Variants in FLVCR1 observed in about 807,000 individuals in gnomAD.
The protein encoded by FLVCR1 is choline/ethanolamine transporter FLVCR1.
Under a neutral mutation model 53.6 loss-of-function variants are expected in FLVCR1, and 34 were observed. The ratio of observed to expected loss-of-function variants is 0.63; its 90% CI spans 0.48 to 0.84. The LOEUF (loss-of-function observed/expected upper bound fraction) is 0.84. Among genes scored for constraint, FLVCR1 ranks in the 40% least tolerant of loss-of-function variants. The probability of loss-of-function intolerance (pLI) is 0.00; values close to 1 mark genes in which losing one functional copy is unlikely to be tolerated. For synonymous variants in FLVCR1, 300 were observed against 286.3 expected, an observed-to-expected ratio of 1.05 and a Z score of -0.48; for missense variants, 677 against 696.7, an observed-to-expected ratio of 0.97 and a Z score of 0.32.
intron 8 of FLVCR1, among the ~76,000 whole-genome samples, chr1:212,891,703 G>A (rs1390501): frequency 0.62 from 93,982 of 152,018 alleles, 30,909 homozygotes; most frequent in East Asian, 0.91. Context: ...GTGGCCTCCA[G>A]GTGTTTAAGC....
At chr1:212,868,971 C>G (rs1172234862) in intron 2 of FLVCR1, among the ~76,000 whole-genome samples, 1 of 152,140 alleles carries the variant, frequency 6.6e-6, no homozygotes, top group Non-Finnish European at 1.5e-5. Flanking sequence ...ATACAGTGAG[C>G]TGAGGCAGAG....
intron 3 of FLVCR1, among the ~76,000 whole-genome samples, chr1:212,881,589 C>T (rs1189932774): frequency 1.2e-4 from 18 of 152,046 alleles, no homozygotes; most frequent in Admixed American, 1.0e-3. Flanking sequence ...TGTCGAACTC[C>T]TGACCTCGTG....
chr1:212,893,065 T>TTGGC (rs376805847), intron 8 of FLVCR1, among the ~76,000 whole-genome samples: 1 of 142,308 alleles, frequency 7.0e-6, no homozygotes, highest in Admixed American at 7.5e-5. Flanking sequence ...TCTTTTTTTT[T>TTGGC]GGGGGGGGGT....
At chr1:212,874,946 C>A (rs942860783) in intron 3 of FLVCR1, among the ~76,000 whole-genome samples, 1 of 150,850 alleles carries the variant, frequency 6.6e-6, no homozygotes, top group East Asian at 2.0e-4. Flanking sequence ...CACACAGACA[C>A]ATCTCCACAT....
At chr1:212,894,374 C>T (rs1315751983) in intron 8 of FLVCR1, among the ~76,000 whole-genome samples, 5 of 151,358 alleles carry the variant, frequency 3.3e-5, no homozygotes, top group Admixed American at 6.6e-5. Flanking sequence ...GGGATGGTCT[C>T]GATCTTCTGA....
At position 212,863,850 on chromosome 1, in the gene FLVCR1, A is replaced by T; in HGVS notation, c.864A>T (p.Leu288Phe). 1 of 1,613,564 alleles carries T rather than the reference A, an allele frequency of 6.2e-7. No homozygotes were observed. Among genetic ancestry groups the T allele is most frequent in the Non-Finnish European group, 8.5e-7 (1 of 1,179,550 alleles). Residue 288 changes from leucine to phenylalanine, a missense_variant, in exon 2 of 10, where the codon TTA becomes TTT. Coordinates refer to ENST00000366971, the MANE Select transcript of FLVCR1 (RefSeq NM_014053.4). ...FYGTSAVATL[L>F]FILTAIAFKE... is the part of the protein sequence containing the mutation. ...GAACATCAGCTGTTGCCACACTTTT[A>T]TTTATTTTAACAGCAATTGGTAAGT...
chr1:212,895,957 G>A lies in FLVCR1; in HGVS notation c.*667G>A, dbSNP rs1308356831. The A allele has an allele frequency of 6.6e-6, 1 of 152,426 alleles. No homozygotes were observed. The highest frequency in any genetic ancestry group is 2.1e-4 in the South Asian group (1 of 4,848). The allele number at this position is 152,426 out of a possible 1,614,324, so 9.4% of individuals were successfully genotyped here. A position where few individuals can be genotyped will look rare whatever the true frequency, so the allele number is the denominator to read the frequency against. On this transcript the variant is annotated 3_prime_UTR_variant, in exon 10 of 10. Transcript: ENST00000366971. The stretch of plus-strand genomic sequence containing the variant: ...CTATTCTGTGTACAGATTCTACCCA[G>A]ACTTTGGTCTTAGAATTATGTTCTA...
chr1:212,876,978 C>T (rs12040103), intron 3 of FLVCR1, among the ~76,000 whole-genome samples: 33,632 of 152,052 alleles, frequency 0.22, 4,355 homozygotes, highest in East Asian at 0.44. Context: ...TCCTTTTTCT[C>T]CACAACCTTG....
intron 8 of FLVCR1, among the ~76,000 whole-genome samples, chr1:212,890,460 T>TA (rs5780704): frequency 0.47 from 69,643 of 148,460 alleles, 17,082 homozygotes; most frequent in East Asian, 0.56. Context: ...GCTAATGAGC[T>TA]AAAAAAAAAA....
chr1:212,883,042 A>G (rs533106138), intron 3 of FLVCR1, among the ~76,000 whole-genome samples: 3 of 152,326 alleles, frequency 2.0e-5, no homozygotes, highest in African/African-American at 7.2e-5. Flanking sequence ...TCAGTAAACA[A>G]TCCATTGCTT....
intron 3 of FLVCR1, among the ~76,000 whole-genome samples, chr1:212,882,345 T>TGTA (rs1664953412): frequency 6.6e-6 from 1 of 152,136 alleles, no homozygotes; most frequent in African/African-American, 2.4e-5. Context: ...TGGATACATC[T>TGTA]CAAAACCATC....
chr1:212,879,944 A>T (rs917229561), intron 3 of FLVCR1, among the ~76,000 whole-genome samples: 2 of 151,324 alleles, frequency 1.3e-5, no homozygotes, highest in African/African-American at 4.9e-5. Flanking sequence ...TGAAACTTAG[A>T]TACCATACTC....
chr1:212,866,962 T>A (rs1363715351), intron 2 of FLVCR1, among the ~76,000 whole-genome samples: 2 of 152,264 alleles, frequency 1.3e-5, no homozygotes, highest in Non-Finnish European at 2.9e-5. Context: ...ATATTTGCTA[T>A]TGAGCAAACT....
Position 212,885,402 on chromosome 1 carries a change from T to A in FLVCR1, c.1196+6T>A, listed in dbSNP as rs1272823006. 18 of 1,588,356 alleles carry A rather than the reference T, an allele frequency of 1.1e-5. No individual in the cohort carries two copies. The highest frequency in any genetic ancestry group is 1.6e-5 in the Non-Finnish European group (18 of 1,156,618). On this transcript the variant is annotated splice_donor_region_variant and intron_variant, in intron 5 of 9. Coordinates refer to ENST00000366971, the MANE Select transcript of FLVCR1 (RefSeq NM_014053.4). ...GATTATACTAAAACATACAAGTAAG[T>A]GAAAGTAAATACATGTATGGTGTAT...
At position 212,859,147 on chromosome 1, in the gene FLVCR1, A is replaced by G. The variant is rs1664138530; in HGVS notation, c.695A>G (p.Lys232Arg). ...ATCGCCTCAGTGTGGTTTGGGCCCA[A>G]AGAGGTGTCCACAGCTTGTGCCACC... The part of the protein sequence containing the change: ...SRIASVWFGP[K>R]EVSTACATAV... The change falls in exon 1 of 10, where the codon AAA becomes AGA. Residue 232 changes from lysine (K) to arginine (R), a missense_variant. Transcript: ENST00000366971. 6.2e-7 allele frequency: 1 copy of G among 1,613,882 alleles called. No homozygotes were observed. Among genetic ancestry groups the G allele is most frequent in the Non-Finnish European group, 8.5e-7 (1 of 1,180,028 alleles).
chr1:212,893,605 C>T lies in FLVCR1; in HGVS notation c.1526-1381C>T, dbSNP rs559808813. ...AAGAGTTGATTAATACGGCAAACTT[C>T]GTCACTGTCTTACTTTAAGAAATTG... On this transcript the variant is annotated intron_variant, in intron 8 of 9. Transcript: ENST00000366971. Among the ~76,000 whole-genome samples, 13 of 152,204 alleles carry T rather than the reference C, an allele frequency of 8.5e-5. No homozygotes were observed. In the South Asian group the frequency reaches 1.9e-3, roughly 22 times the overall value.
At chr1:212,887,867 A>T in intron 5 of FLVCR1, 24 bp from the exon 6 acceptor site, 1 of 1,220,210 alleles carries the variant, frequency 8.2e-7, no homozygotes, top group Non-Finnish European at 1.2e-6. Context: ...CAAAATACTA[A>T]CAGCTTTGTT....
chr1:212,862,328 A>G (rs548619059), intron 1 of FLVCR1, among the ~76,000 whole-genome samples: 12 of 152,070 alleles, frequency 7.9e-5, no homozygotes, highest in African/African-American at 2.7e-4. Context: ...TCACTTCCCC[A>G]CCATTGCCCC....
In FLVCR1 at chr1:212,885,282, AT is replaced by A. The variant is rs1351955457; in HGVS notation, c.1093-4del. 6.2e-7 allele frequency: 1 copy of A among 1,604,740 alleles called. No homozygotes were observed. Among genetic ancestry groups the A allele is most frequent in the Non-Finnish European group, 8.5e-7 (1 of 1,171,630 alleles). Reference sequence around the variant, plus strand: ...TTTATTTGATCAACTTCTTACGCAAATTTTTTTCAGGGAGAAGAAGTCAATG... The same window carrying A: ...TTTATTTGATCAACTTCTTACGCAAATTTTTTCAGGGAGAAGAAGTCAATG... On this transcript the variant is annotated splice_polypyrimidine_tract_variant and intron_variant, in intron 4 of 9. Coordinates refer to ENST00000366971, the MANE Select transcript of FLVCR1 (RefSeq NM_014053.4).
Sources: allele counts gnomAD v4.1 joint callset (sites outside exome capture counted in the v4.1 genomes callset), GRCh38; gene constraint gnomAD v4.1.1; transcripts MANE v1.5; gene names NCBI Gene and HGNC (gene_info 2026-07-23, HGNC 2026-07-21).